The following CADM1 variants were observed in gnomAD, a reference collection of about 807,000 sequenced individuals.
CADM1 encodes cell adhesion molecule 1.
Under a neutral mutation model 53.1 loss-of-function variants are expected in CADM1, and 15 were observed. The observed-to-expected ratio is 0.28, with a 90% CI of 0.19 to 0.44. CADM1 has a LOEUF of 0.44. Ranked by LOEUF, CADM1 falls within the 20% of genes least tolerant of loss-of-function variation. The pLI, the probability that CADM1 is intolerant of heterozygous loss-of-function variation, is 1.00. For synonymous variants in CADM1, 281 were observed against 243.0 expected (o/e 1.16, Z -1.45); for missense variants, 434 against 611.3 (o/e 0.71, Z 3.06).
chr11:115,274,972 AG>A (rs1373323010), intron 1 of CADM1, among the ~76,000 whole-genome samples: 1 of 152,114 alleles, frequency 6.6e-6, no homozygotes, highest in Non-Finnish European at 1.5e-5. Flanking sequence ...TTTTCAGTTG[AG>A]GTAACTGAGG....
At chr11:115,367,127 T>C (rs946159014) in intron 1 of CADM1, among the ~76,000 whole-genome samples, 1 of 152,230 alleles carries the variant, frequency 6.6e-6, no homozygotes, top group South Asian at 2.1e-4. Context: ...GGCAGGAGGA[T>C]AGCATGAGCC....
At chr11:115,344,055 ACACT>A (rs1182637873) in intron 1 of CADM1, among the ~76,000 whole-genome samples, 1 of 150,328 alleles carries the variant, frequency 6.7e-6, no homozygotes, top group African/African-American at 2.5e-5. Context: ...AGAACCCCAA[ACACT>A]CACCTACTTC....
intron 1 of CADM1, among the ~76,000 whole-genome samples, chr11:115,413,709 A>G (rs1947518332): frequency 6.8e-6 from 1 of 146,338 alleles, no homozygotes; most frequent in Admixed American, 6.9e-5. Flanking sequence ...CAGTGGTGCA[A>G]TCTTGGCTCA....
At chr11:115,297,102 C>T (rs921277204) in intron 1 of CADM1, among the ~76,000 whole-genome samples, 1 of 152,100 alleles carries the variant, frequency 6.6e-6, no homozygotes. Context: ...CAGTATTTGG[C>T]TTTGAAGAAT....
At chr11:115,501,599 C>T (rs1338243688) in intron 1 of CADM1, among the ~76,000 whole-genome samples, 1 of 152,184 alleles carries the variant, frequency 6.6e-6, no homozygotes, top group African/African-American at 2.4e-5. Flanking sequence ...TTCATCCAAA[C>T]ATCACAGGAG....
chr11:115,416,018 A>G (rs999224491), intron 1 of CADM1, among the ~76,000 whole-genome samples: 1 of 152,138 alleles, frequency 6.6e-6, no homozygotes, highest in African/African-American at 2.4e-5. Flanking sequence ...AAAACAAACA[A>G]TGGTAAGAAA....
intron 1 of CADM1, among the ~76,000 whole-genome samples, chr11:115,322,695 A>T (rs1379478754): frequency 1.3e-5 from 2 of 152,134 alleles, no homozygotes; most frequent in African/African-American, 4.8e-5. Context: ...TCCACTTAGC[A>T]TAATGTTTTC....
At chr11:115,226,579 A>G (rs1332214797) in intron 5 of CADM1, among the ~76,000 whole-genome samples, 6 of 152,218 alleles carry the variant, frequency 3.9e-5, no homozygotes, top group Non-Finnish European at 7.3e-5. Context: ...TGGCTACTGA[A>G]TAAATTATTC....
At chr11:115,338,489 T>G (rs1337571174) in intron 1 of CADM1, among the ~76,000 whole-genome samples, 1 of 152,164 alleles carries the variant, frequency 6.6e-6, no homozygotes, top group African/African-American at 2.4e-5. Flanking sequence ...TACACACCAG[T>G]GTACTCTATT....
chr11:115,250,292 T>C (rs1942560426), intron 1 of CADM1, among the ~76,000 whole-genome samples: 1 of 152,238 alleles, frequency 6.6e-6, no homozygotes, highest in African/African-American at 2.4e-5. Flanking sequence ...TGTATTTCCC[T>C]TATTTTATAT....
chr11:115,174,921 G>A lies in CADM1; in HGVS notation c.*1553C>T, dbSNP rs1938954484. 1.0e-6 allele frequency: 1 copy of A among 985,472 alleles called. No individual in the cohort carries two copies. The highest frequency in any genetic ancestry group is 1.7e-5 in the African/African-American group (1 of 57,186). 61.0% of individuals were successfully genotyped at this position (985,472 alleles called of 1,614,324 possible). Reference sequence around the variant, plus strand: ...CCCCACACTTCTTTCTTTAAAACATGTAAATGGTAACGTGACTCCTCTACC... The same window carrying A: ...CCCCACACTTCTTTCTTTAAAACATATAAATGGTAACGTGACTCCTCTACC... On this transcript the variant is annotated 3_prime_UTR_variant, in exon 12 of 12. Transcript: ENST00000331581.
chr11:115,419,763 C>T lies in CADM1; in HGVS notation c.124+84508G>A, dbSNP rs953474356. Among the ~76,000 whole-genome samples the T allele has an allele frequency of 1.3e-4, 20 of 152,224 alleles. 1 individual carries two copies. Among genetic ancestry groups the T allele is most frequent in the South Asian group, 6.2e-4 (3 of 4,808 alleles). ...CAGAATGGACCTTAAATGGGAAAAT[C>T]CAGAGTTGGGAACAGATGCTAAAAT... is the stretch of plus-strand genomic sequence containing the variant. On this transcript the variant is annotated intron_variant, in intron 1 of 11. Transcript: ENST00000331581.
At chr11:115,240,069 G>C (rs1436791887) in intron 2 of CADM1, among the ~76,000 whole-genome samples, 6 of 152,124 alleles carry the variant, frequency 3.9e-5, no homozygotes, top group Non-Finnish European at 7.4e-5. Flanking sequence ...TGCAAAGTAA[G>C]ACTGCCTTAC....
At chr11:115,462,670 G>A (rs780188276) in intron 1 of CADM1, among the ~76,000 whole-genome samples, 1 of 152,184 alleles carries the variant, frequency 6.6e-6, no homozygotes, top group Non-Finnish European at 1.5e-5. Flanking sequence ...ACATGATTAT[G>A]TTGAAAAGTA....
At chr11:115,421,896 A>G (rs1947766312) in intron 1 of CADM1, among the ~76,000 whole-genome samples, 1 of 152,196 alleles carries the variant, frequency 6.6e-6, no homozygotes, top group South Asian at 2.1e-4. Flanking sequence ...CATCTTAAAT[A>G]TTTCGGTACG....
intron 1 of CADM1, among the ~76,000 whole-genome samples, chr11:115,443,866 G>A (rs528127391): frequency 6.6e-6 from 1 of 152,268 alleles, no homozygotes; most frequent in South Asian, 2.1e-4. Context: ...CCTATTAGAA[G>A]AACGGACAAA....
At chr11:115,461,615 C>T (rs1948796158) in intron 1 of CADM1, among the ~76,000 whole-genome samples, 1 of 152,098 alleles carries the variant, frequency 6.6e-6, no homozygotes, top group Non-Finnish European at 1.5e-5. Context: ...TCAGGGGCTG[C>T]CTAGGTGAAC....
Position 115,496,785 on chromosome 11 carries a change from A to G in CADM1, c.124+7486T>C, listed in dbSNP as rs946970332. ...ATCAGCCCCATTTTATTTCAGTGCA[A>G]GCAGGAAAGCTAAGGAGGGGAAAAA... On this transcript the variant is annotated intron_variant, in intron 1 of 11. Transcript: ENST00000331581. Among the ~76,000 whole-genome samples, 3 of 152,120 alleles carry G rather than the reference A, an allele frequency of 2.0e-5. No homozygotes were observed. In the East Asian group the frequency reaches 5.8e-4, roughly 29 times the overall value.
intron 1 of CADM1, among the ~76,000 whole-genome samples, chr11:115,347,383 G>C (rs1438543911): frequency 6.6e-6 from 1 of 152,102 alleles, no homozygotes; most frequent in East Asian, 1.9e-4. Context: ...CTCCCCACTT[G>C]GAGTTATTAG....
Sources: gnomAD v4.1 joint callset for allele counts (sites outside exome capture counted in the v4.1 genomes callset) on GRCh38, gnomAD v4.1.1 for gene constraint, MANE v1.5 for transcripts, NCBI Gene and HGNC (gene_info 2026-07-23, HGNC 2026-07-21) for gene names.